The following VAV2 variants were observed in gnomAD, a reference collection of about 807,000 sequenced individuals.
VAV2 encodes vav guanine nucleotide exchange factor 2.
In VAV2, 67 loss-of-function variants were observed where a neutral mutation model predicts 132.5. The ratio of observed to expected loss-of-function variants is 0.51; its 90% CI spans 0.42 to 0.62. The LOEUF is 0.62. Among genes scored for constraint, VAV2 ranks in the 20% least tolerant of loss-of-function variants. The probability of loss-of-function intolerance (pLI) is 0.00; values close to 1 mark genes in which losing one functional copy is unlikely to be tolerated. For missense variants in VAV2, 938 were observed against 1,153.6 expected, an observed-to-expected ratio of 0.81 and a Z score of 2.71; for synonymous variants, 492 against 443.5, an observed-to-expected ratio of 1.11 and a Z score of -1.37.
At chr9:133,979,064 C>T (rs1048490711) in intron 1 of VAV2, among the ~76,000 whole-genome samples, 7 of 152,200 alleles carry the variant, frequency 4.6e-5, no homozygotes, top group Non-Finnish European at 8.8e-5. Flanking sequence ...CCACCCCAGC[C>T]GCGTCAAGTG....
chr9:133,803,405 T>C lies in VAV2; in HGVS notation c.836+2676A>G, dbSNP rs117316365. Among the ~76,000 whole-genome samples, 220 of 143,170 alleles carry C rather than the reference T, an allele frequency of 1.5e-3. 3 individuals carry two copies. The East Asian group carries it at 0.037, about 24-fold the overall frequency. The allele number at this position is 143,170 out of a possible 152,430, so 93.9% of individuals were successfully genotyped here. On this transcript the variant is annotated intron_variant, in intron 9 of 29. Transcript: ENST00000371850. ...CCGTATGCCCCCACTCCCCGCAGCATGACTCACTGCCCCACTCAAGGAAGC... is the reference window on the plus strand; with the variant it reads ...CCGTATGCCCCCACTCCCCGCAGCACGACTCACTGCCCCACTCAAGGAAGC...
intron 2 of VAV2, among the ~76,000 whole-genome samples, chr9:133,931,666 G>A (rs1840693506): frequency 6.6e-6 from 1 of 152,212 alleles, no homozygotes; most frequent in Non-Finnish European, 1.5e-5. Flanking sequence ...CCCCGCTCCA[G>A]CCCTAACAAA....
chr9:133,990,282 AC>A (rs1263118980), intron 1 of VAV2, among the ~76,000 whole-genome samples: 22 of 151,600 alleles, frequency 1.5e-4, no homozygotes, highest in Admixed American at 1.4e-3. Context: ...ACACCCGTCC[AC>A]CCCCCAGCAG....
chr9:133,941,451 C>T (rs1387646276), intron 1 of VAV2, among the ~76,000 whole-genome samples: 1 of 151,866 alleles, frequency 6.6e-6, no homozygotes, highest in African/African-American at 2.4e-5. Flanking sequence ...ACCTAGATTG[C>T]TAATTTTAAG....
intron 1 of VAV2, among the ~76,000 whole-genome samples, chr9:133,964,048 T>C (rs201963861): frequency 0.017 from 1,328 of 80,416 alleles, 29 homozygotes; most frequent in African/African-American, 0.025. Flanking sequence ...TATATATATA[T>C]ACATATATAT....
chr9:133,871,102 G>A (rs1045942240), intron 2 of VAV2, among the ~76,000 whole-genome samples: 1 of 151,686 alleles, frequency 6.6e-6, no homozygotes, highest in Non-Finnish European at 1.5e-5. Context: ...GTGGATGGAT[G>A]GATGGATAAG....
intron 18 of VAV2, among the ~76,000 whole-genome samples, 159 bp from the exon 19 acceptor site, chr9:133,783,750 C>T (rs969674210): frequency 6.6e-6 from 1 of 152,060 alleles, no homozygotes; most frequent in Non-Finnish European, 1.5e-5. Context: ...CCCTCCCTTA[C>T]CAGGCAGCCT....
At chr9:133,942,774 C>G (rs1377585980) in intron 1 of VAV2, among the ~76,000 whole-genome samples, 1 of 152,174 alleles carries the variant, frequency 6.6e-6, no homozygotes, top group African/African-American at 2.4e-5. Context: ...CGTGGCCACT[C>G]TGGCCACCCT....
At chr9:133,916,055 T>C (rs1380719920) in intron 2 of VAV2, among the ~76,000 whole-genome samples, 2 of 151,342 alleles carry the variant, frequency 1.3e-5, no homozygotes, top group Non-Finnish European at 2.9e-5. Flanking sequence ...TCACACACAA[T>C]GCACATGCAC....
intron 2 of VAV2, among the ~76,000 whole-genome samples, chr9:133,862,874 A>G (rs2131872726): frequency 6.6e-6 from 1 of 152,336 alleles, no homozygotes; most frequent in South Asian, 2.1e-4. Context: ...GGGAAGAGGA[A>G]AGAAAATGAA....
chr9:133,924,050 T>C (rs1040403516), intron 2 of VAV2, among the ~76,000 whole-genome samples: 4 of 152,190 alleles, frequency 2.6e-5, no homozygotes, highest in Admixed American at 2.6e-4. Flanking sequence ...AAATGATGAG[T>C]TGATGGGTGT....
rs140023336 is a variant in VAV2, at chr9:133,783,817, G to A, written c.1635-226C>T. 2.3e-3 allele frequency among the ~76,000 whole-genome samples: 353 copies of A among 151,230 alleles called. 3 individuals are homozygous for A. Among genetic ancestry groups the A allele is most frequent in the African/African-American group, 8.3e-3 (340 of 41,198 alleles). The stretch of plus-strand genomic sequence containing the variant: ...GCCTCCCTGCCCCACACAGCATCCC[G>A]GGCACCCAGGAACAATCACCTCCCG... On this transcript the variant is annotated intron_variant, in intron 18 of 29. Coordinates refer to ENST00000371850, the MANE Select transcript of VAV2 (RefSeq NM_001134398.2).
In VAV2 at chr9:133,770,459, A is replaced by G; in HGVS notation, c.2266T>C (p.Phe756Leu). The G allele has an allele frequency of 6.2e-7, 1 of 1,614,062 alleles. No individual in the cohort carries two copies. The highest frequency in any genetic ancestry group is 8.5e-7 in the Non-Finnish European group (1 of 1,179,960). ...TTGAGTGTGGTGTCCAGCTGCTTGA[A>G]GCTCTCCTTCAGTGAGTGGCACTGG... ...YYQCHSLKES[F>L]KQLDTTLKYP... Residue 756 changes from phenylalanine (F) to leucine (L), a missense_variant, in exon 27 of 30, where the codon TTC (phenylalanine) becomes CTC (leucine). Transcript: ENST00000371850.
In VAV2 at chr9:133,791,881, G is replaced by C; in HGVS notation, c.1102-12C>G. 2 of 1,571,156 alleles carry C rather than the reference G, an allele frequency of 1.3e-6. No individual in the cohort carries two copies. The highest frequency in any genetic ancestry group is 1.7e-6 in the Non-Finnish European group (2 of 1,159,890). On this transcript the variant is annotated splice_polypyrimidine_tract_variant and intron_variant, in intron 12 of 29. Transcript: ENST00000371850. Reference sequence around the variant, plus strand: ...TACATCGCCAAGTCCTTGAAAACAAGAGGCAGAGGTGAGCGGGCTGTGCTG... The same window carrying C: ...TACATCGCCAAGTCCTTGAAAACAACAGGCAGAGGTGAGCGGGCTGTGCTG...
rs1048473990 is a variant in VAV2, at chr9:133,885,767, C to T, written c.322-24335G>A. Among the ~76,000 whole-genome samples the T allele has an allele frequency of 2.0e-5, 3 of 152,176 alleles. No homozygotes were observed. Among genetic ancestry groups the T allele is most frequent in the East Asian group, 1.9e-4 (1 of 5,182 alleles). ...ACGCTCCATGCCATCTCCCTGACCT[C>T]GCAAACCCACCACGGTGCCGGCACA... On this transcript the variant is annotated intron_variant, in intron 2 of 29. Transcript: ENST00000371850. The surrounding 1 kb of genome is among the most constrained non-coding windows in gnomAD (Gnocchi z 5.0).
chr9:133,819,046 C>T (rs1016133374), intron 4 of VAV2, among the ~76,000 whole-genome samples: 20 of 152,074 alleles, frequency 1.3e-4, no homozygotes, highest in Admixed American at 7.2e-4. Flanking sequence ...TGCCCAGCCA[C>T]GCCTGTGTTG....
intron 1 of VAV2, among the ~76,000 whole-genome samples, chr9:133,940,680 T>TGTGTGTGTGTGTGTGA (rs1490651102): frequency 8.0e-6 from 1 of 125,714 alleles, no homozygotes; most frequent in Non-Finnish European, 1.8e-5. Context: ...TGCGTGTGTG[T>TGTGTGTGTGTGTGTGA]GTGTGTGTGT....
intron 2 of VAV2, among the ~76,000 whole-genome samples, chr9:133,873,785 T>C (rs1838154842): frequency 6.6e-6 from 1 of 152,110 alleles, no homozygotes. Flanking sequence ...GTCCAAATTC[T>C]CCAATTTTGA....
intron 9 of VAV2, among the ~76,000 whole-genome samples, chr9:133,803,900 T>G (rs1835035432): frequency 6.6e-6 from 1 of 152,058 alleles, no homozygotes; most frequent in South Asian, 2.1e-4. Flanking sequence ...CACCTTCCCC[T>G]AAGCTTCTGC....
Sources: gnomAD v4.1 joint callset for allele counts (sites outside exome capture counted in the v4.1 genomes callset) on GRCh38, gnomAD v4.1.1 for gene constraint, Gnocchi (gnomAD v3.1) non-coding constraint, MANE v1.5 for transcripts, NCBI Gene and HGNC (gene_info 2026-07-23, HGNC 2026-07-21) for gene names.